BACH2: variants seen among roughly 807,000 people sequenced by gnomAD.
The protein encoded by BACH2 is transcription regulator protein BACH2.
A neutral mutation model predicts 61.8 loss-of-function variants in BACH2; 5 were observed. That is an observed-to-expected ratio of 0.08 (90% CI 0.04 to 0.17). The LOEUF is 0.17. Among genes scored for constraint, BACH2 ranks in the 10% least tolerant of loss-of-function variants. BACH2 has a pLI of 1.00. For missense variants in BACH2, 824 were observed against 1,091.1 expected (o/e 0.76, Z 3.45); for synonymous variants, 446 against 440.1 (o/e 1.01, Z -0.17).
chr6:90,146,016 T>G (rs2127828377), intron 4 of BACH2, among the ~76,000 whole-genome samples: 1 of 152,372 alleles, frequency 6.6e-6, no homozygotes, highest in Middle Eastern at 3.4e-3. Flanking sequence ...GAAGCTAGAA[T>G]TTTTGCTTTA....
intron 1 of BACH2, among the ~76,000 whole-genome samples, chr6:90,285,027 CTTACT>C (rs1771974749): frequency 6.6e-6 from 1 of 152,184 alleles, no homozygotes; most frequent in South Asian, 2.1e-4. Flanking sequence ...CCCAGCTGAT[CTTACT>C]TTAATCATCC....
intron 3 of BACH2, among the ~76,000 whole-genome samples, chr6:90,229,459 CAA>C (rs58516003): frequency 4.8e-5 from 7 of 144,814 alleles, no homozygotes; most frequent in Middle Eastern, 3.5e-3. Context: ...GACTTTGTCT[CAA>C]AAAAAAAAAG....
At chr6:90,205,470 G>C (rs1206965660) in intron 4 of BACH2, among the ~76,000 whole-genome samples, 1 of 152,052 alleles carries the variant, frequency 6.6e-6, no homozygotes, top group Non-Finnish European at 1.5e-5. Context: ...CAATAATCTG[G>C]GGACATTTTT....
chr6:90,081,542 A>C (rs1185223616), intron 5 of BACH2, among the ~76,000 whole-genome samples: 3 of 152,190 alleles, frequency 2.0e-5, no homozygotes, highest in African/African-American at 7.2e-5. Context: ...GAAGAGCCAC[A>C]GAAATATTAA....
intron 4 of BACH2, among the ~76,000 whole-genome samples, chr6:90,200,461 T>C (rs940019441): frequency 1.3e-5 from 2 of 152,224 alleles, no homozygotes; most frequent in Non-Finnish European, 2.9e-5. Flanking sequence ...CCCCAAACCA[T>C]TAGTAAATTA....
At chr6:89,991,881 T>C (rs1431648051) in intron 6 of BACH2, among the ~76,000 whole-genome samples, 1 of 152,228 alleles carries the variant, frequency 6.6e-6, no homozygotes, top group Non-Finnish European at 1.5e-5. Context: ...AGAGGATGTC[T>C]AGTCATAGCA....
chr6:90,191,476 G>A (rs868566181), intron 4 of BACH2, among the ~76,000 whole-genome samples: 25 of 152,304 alleles, frequency 1.6e-4, no homozygotes, highest in South Asian at 4.1e-4. Context: ...TTGTATTTGT[G>A]TTTAGTTCAT....
chr6:90,103,029 A>ATATATATATATATATATATATATTT, intron 4 of BACH2, among the ~76,000 whole-genome samples: 1 of 21,164 alleles, frequency 4.7e-5, no homozygotes, highest in African/African-American at 2.4e-4. Flanking sequence ...ATATATATAT[A>ATATATATATATATATATATATATTT]TTTTTTTTTT....
chr6:90,162,461 A>T (rs1317013120), intron 4 of BACH2, among the ~76,000 whole-genome samples: 1 of 152,000 alleles, frequency 6.6e-6, no homozygotes, highest in Non-Finnish European at 1.5e-5. Flanking sequence ...CAACATAGTG[A>T]GACCTTGCTG....
chr6:90,074,054 T>G (rs898329055), intron 5 of BACH2, among the ~76,000 whole-genome samples: 1 of 152,250 alleles, frequency 6.6e-6, no homozygotes, highest in African/African-American at 2.4e-5. Context: ...GCACTTTGTA[T>G]AAATGAATGC....
intron 3 of BACH2, among the ~76,000 whole-genome samples, chr6:90,221,485 T>A (rs9451368): frequency 0.019 from 2,939 of 152,262 alleles, 101 homozygotes; most frequent in African/African-American, 0.065. Flanking sequence ...GTTAATGTAA[T>A]AAACATCCAT....
At chr6:90,093,478 A>G (rs1782257321) in intron 4 of BACH2, among the ~76,000 whole-genome samples, 1 of 152,224 alleles carries the variant, frequency 6.6e-6, no homozygotes, top group Non-Finnish European at 1.5e-5. Context: ...GCTGTCCAAT[A>G]TGGCAGCCAC....
chr6:89,948,215 ATTTTTT>A (rs1028981561), intron 7 of BACH2, among the ~76,000 whole-genome samples: 1 of 150,478 alleles, frequency 6.6e-6, no homozygotes, highest in East Asian at 2.0e-4. Flanking sequence ...CCAGCCTTTT[ATTTTTT>A]TTTGAGACAG....
intron 4 of BACH2, among the ~76,000 whole-genome samples, chr6:90,198,446 A>T (rs1381693752): frequency 6.6e-6 from 1 of 152,212 alleles, no homozygotes; most frequent in African/African-American, 2.4e-5. Context: ...GGCCTCTCAG[A>T]CTTGAAATTA....
At position 90,203,175 on chromosome 6, in the gene BACH2, T is replaced by C. The variant is rs370995816; in HGVS notation, c.-162+3394A>G. ...CCTGTAATCCCAGCATTTTGGGAGG[T>C]TGAGATGGGAGGATTGCTTGAGTCC... On this transcript the variant is annotated intron_variant, in intron 4 of 8. Coordinates refer to ENST00000257749, the MANE Select transcript of BACH2 (RefSeq NM_021813.4). Among the ~76,000 whole-genome samples, 8 of 151,582 alleles carry C rather than the reference T, an allele frequency of 5.3e-5. No individual in the cohort carries two copies. The East Asian group carries it at 1.4e-3, about 26-fold the overall frequency.
intron 5 of BACH2, among the ~76,000 whole-genome samples, chr6:90,035,504 A>C (rs1779218024): frequency 6.6e-6 from 1 of 152,132 alleles, no homozygotes; most frequent in African/African-American, 2.4e-5. Context: ...TGAATGCCTT[A>C]AGTATCTGAC....
At chr6:90,173,477 T>G (rs1305208501) in intron 4 of BACH2, among the ~76,000 whole-genome samples, 3 of 151,994 alleles carry the variant, frequency 2.0e-5, no homozygotes, top group Non-Finnish European at 4.4e-5. Context: ...TACAGTGAAA[T>G]TATACTGAAA....
At chr6:90,217,751 T>C (rs1769588771) in intron 3 of BACH2, among the ~76,000 whole-genome samples, 1 of 152,160 alleles carries the variant, frequency 6.6e-6, no homozygotes, top group Non-Finnish European at 1.5e-5. Context: ...GACAATTTTT[T>C]AATGGAATGT....
chr6:90,053,843 T>A (rs1780177336), intron 5 of BACH2, among the ~76,000 whole-genome samples: 1 of 152,226 alleles, frequency 6.6e-6, no homozygotes, highest in Non-Finnish European at 1.5e-5. Flanking sequence ...TGGCTCCTTT[T>A]AAGAGAGCTG....
Sources: gnomAD v4.1 joint callset for allele counts (sites outside exome capture counted in the v4.1 genomes callset) on GRCh38, gnomAD v4.1.1 for gene constraint, MANE v1.5 for transcripts, NCBI Gene and HGNC (gene_info 2026-07-23, HGNC 2026-07-21) for gene names.